Variants in STXBP5L observed in about 807,000 individuals in gnomAD.
STXBP5L encodes the protein syntaxin binding protein 5L.
In STXBP5L, 65 loss-of-function variants were observed where a neutral mutation model predicts 144.5. The observed-to-expected ratio is 0.45, with a 90% confidence interval of 0.37 to 0.55. The LOEUF is 0.55. Among genes scored for constraint, STXBP5L ranks in the 20% least tolerant of loss-of-function variants. STXBP5L has a pLI of 0.00. For synonymous variants in STXBP5L, 505 were observed against 469.6 expected (o/e 1.08, Z -0.97); for missense variants, 1,298 against 1,405.5 (o/e 0.92, Z 1.22).
chr3:121,028,746 G>A (rs1362489801), intron 3 of STXBP5L, among the ~76,000 whole-genome samples: 1 of 152,034 alleles, frequency 6.6e-6, no homozygotes, highest in Non-Finnish European at 1.5e-5. Context: ...AATCAGTGCA[G>A]TGGCTATATC....
intron 10 of STXBP5L, among the ~76,000 whole-genome samples, chr3:121,213,417 AG>A (rs1446562585): frequency 2.0e-5 from 3 of 152,136 alleles, no homozygotes; most frequent in Non-Finnish European, 2.9e-5. Flanking sequence ...TTTAGCATGA[AG>A]GGGTGTTGAA....
chr3:120,972,216 T>G (rs1250963024), intron 3 of STXBP5L, among the ~76,000 whole-genome samples: 1 of 152,102 alleles, frequency 6.6e-6, no homozygotes, highest in Non-Finnish European at 1.5e-5. Context: ...GCATGGATGT[T>G]TTTCCATTAT....
intron 10 of STXBP5L, among the ~76,000 whole-genome samples, chr3:121,222,678 T>C (rs1230936489): frequency 6.6e-6 from 1 of 152,136 alleles, no homozygotes; most frequent in Non-Finnish European, 1.5e-5. Flanking sequence ...ATTTAGAGTT[T>C]GGGAACCAAG....
At chr3:121,094,206 T>G (rs1236842875) in intron 5 of STXBP5L, among the ~76,000 whole-genome samples, 1 of 152,176 alleles carries the variant, frequency 6.6e-6, no homozygotes, top group Non-Finnish European at 1.5e-5. Context: ...GTGGTCAATT[T>G]TGGAATAGGT....
At chr3:121,264,604 A>G (rs2050493786) in intron 18 of STXBP5L, among the ~76,000 whole-genome samples, 1 of 152,198 alleles carries the variant, frequency 6.6e-6, no homozygotes, top group African/African-American at 2.4e-5. Flanking sequence ...TCATAATGAC[A>G]GGATCAAATT....
intron 5 of STXBP5L, among the ~76,000 whole-genome samples, chr3:121,063,509 G>A (rs554022642): frequency 6.6e-6 from 1 of 152,338 alleles, no homozygotes; most frequent in East Asian, 1.9e-4. Context: ...CTGTCCCTTA[G>A]CAGAGCTTGA....
intron 5 of STXBP5L, among the ~76,000 whole-genome samples, chr3:121,059,817 A>T (rs2107625159): frequency 6.6e-6 from 1 of 152,226 alleles, no homozygotes; most frequent in Admixed American, 6.5e-5. Context: ...TTGCACATTG[A>T]TTTTGTATTC....
chr3:121,093,376 A>G (rs1242312160), intron 5 of STXBP5L, among the ~76,000 whole-genome samples: 1 of 152,146 alleles, frequency 6.6e-6, no homozygotes, highest in Non-Finnish European at 1.5e-5. Context: ...CCTCTGATAG[A>G]ATTCGGCTGT....
At chr3:121,383,327 G>A (rs1157221007) in intron 22 of STXBP5L, among the ~76,000 whole-genome samples, 1 of 151,756 alleles carries the variant, frequency 6.6e-6, no homozygotes, top group Non-Finnish European at 1.5e-5. Flanking sequence ...GAGCCAGAAG[G>A]ATGAGCATGC....
intron 2 of STXBP5L, among the ~76,000 whole-genome samples, chr3:120,938,592 C>T (rs911320241): frequency 6.6e-6 from 1 of 152,170 alleles, no homozygotes; most frequent in Admixed American, 6.6e-5. Context: ...CTTGACTCTA[C>T]ACCAAGCTAT....
chr3:121,385,872 A>G (rs1414716286), intron 22 of STXBP5L, among the ~76,000 whole-genome samples: 5 of 152,168 alleles, frequency 3.3e-5, no homozygotes, highest in Non-Finnish European at 5.9e-5. Flanking sequence ...TATAAATATG[A>G]AAATAGGTTA....
chr3:121,007,623 G>A (rs184413079), intron 3 of STXBP5L, among the ~76,000 whole-genome samples: 25 of 152,016 alleles, frequency 1.6e-4, no homozygotes, highest in Admixed American at 7.2e-4. Context: ...ATTACTTGAC[G>A]CAGCAGGAGA....
At chr3:121,165,228 A>C (rs2046458841) in intron 9 of STXBP5L, among the ~76,000 whole-genome samples, 1 of 152,202 alleles carries the variant, frequency 6.6e-6, no homozygotes. Context: ...AAAGTTTGGA[A>C]GTTCCTTTAG....
chr3:121,046,709 T>C (rs965149130), intron 5 of STXBP5L, among the ~76,000 whole-genome samples: 1 of 151,988 alleles, frequency 6.6e-6, no homozygotes, highest in Non-Finnish European at 1.5e-5. Context: ...GGTAATGTCT[T>C]TTTTGGCATT....
chr3:121,157,931 C>G, intron 9 of STXBP5L: 1 of 245,402 alleles, frequency 4.1e-6, no homozygotes, highest in South Asian at 6.1e-5. Flanking sequence ...AATTTTGTCA[C>G]TTTTAAGGGC....
chr3:121,185,628 G>A (rs866451287), intron 9 of STXBP5L, among the ~76,000 whole-genome samples: 11 of 152,144 alleles, frequency 7.2e-5, no homozygotes, highest in African/African-American at 2.2e-4. Context: ...TATTATTTCT[G>A]AGGGCTCTGT....
At chr3:121,094,758 T>A (rs1246021007) in intron 5 of STXBP5L, among the ~76,000 whole-genome samples, 1 of 152,238 alleles carries the variant, frequency 6.6e-6, no homozygotes, top group Non-Finnish European at 1.5e-5. Flanking sequence ...AATTGGAGCA[T>A]GTAGTCCATT....
chr3:121,355,441 T>C (rs1373579687), intron 20 of STXBP5L, among the ~76,000 whole-genome samples: 1 of 152,222 alleles, frequency 6.6e-6, no homozygotes, highest in Non-Finnish European at 1.5e-5. Flanking sequence ...AATTTGATAT[T>C]CCATCACTGA....
At position 120,954,731 on chromosome 3, in the gene STXBP5L, A is replaced by G. The variant is rs551680129; in HGVS notation, c.190-209A>G. 4.6e-5 allele frequency among the ~76,000 whole-genome samples: 7 copies of G among 152,252 alleles called. No homozygotes were observed. The East Asian group carries it at 1.3e-3, about 29-fold the overall frequency. ...TATATTTAGTTTTATAAGAAACTGCAAGATATTTTAAAAAAGTGTTTGTAT... is the reference window on the plus strand; with the variant it reads ...TATATTTAGTTTTATAAGAAACTGCGAGATATTTTAAAAAAGTGTTTGTAT... On this transcript the variant is annotated intron_variant, in intron 2 of 26. Transcript: ENST00000471454.
Sources: allele counts gnomAD v4.1 joint callset (sites outside exome capture counted in the v4.1 genomes callset), GRCh38; gene constraint gnomAD v4.1.1; transcripts MANE v1.5; gene names NCBI Gene and HGNC (gene_info 2026-07-23, HGNC 2026-07-21).